ADAM17: variants seen among roughly 807,000 people sequenced by gnomAD.
The protein encoded by ADAM17 is disintegrin and metalloproteinase domain-containing protein 17.
ADAM17 carries 39 observed loss-of-function variants against 96.7 expected under a neutral mutation model. That is an observed-to-expected ratio of 0.40 (90% confidence interval 0.31 to 0.53). The LOEUF (loss-of-function observed/expected upper bound fraction) is 0.53, where lower values mean the gene tolerates loss of function less well. Among genes scored for constraint, ADAM17 ranks in the 20% least tolerant of loss-of-function variants. The pLI, the probability that ADAM17 is intolerant of heterozygous loss-of-function variation, is 0.44. For synonymous variants in ADAM17, 344 were observed against 359.2 expected (o/e 0.96, Z 0.48); for missense variants, 777 against 1,013.2 (o/e 0.77, Z 3.17).
intron 4 of ADAM17, among the ~76,000 whole-genome samples, chr2:9,531,383 T>G (rs972844739): frequency 6.6e-6 from 1 of 151,242 alleles, no homozygotes. Flanking sequence ...CTCACTAACA[T>G]GGTGAAACCC....
chr2:9,536,506 A>G (rs1034277184), intron 3 of ADAM17, among the ~76,000 whole-genome samples, 192 bp downstream of exon 3: 1 of 152,218 alleles, frequency 6.6e-6, no homozygotes, highest in Non-Finnish European at 1.5e-5. Context: ...TATGACATTT[A>G]GATAATACTC....
chr2:9,503,785 C>T (rs2124995391), intron 12 of ADAM17, among the ~76,000 whole-genome samples: 1 of 150,818 alleles, frequency 6.6e-6, no homozygotes, highest in Admixed American at 6.6e-5. Context: ...TTGCAGTGAG[C>T]CAAGATCACG....
chr2:9,523,169 G>T, intron 7 of ADAM17, 80 bp downstream of exon 7: 1 of 1,076,962 alleles, frequency 9.3e-7, no homozygotes, highest in Non-Finnish European at 1.3e-6. Context: ...TTAAGGACAA[G>T]TTTTTAGGTT....
intron 1 of ADAM17, among the ~76,000 whole-genome samples, chr2:9,552,423 G>C (rs1270772562): frequency 6.6e-6 from 1 of 152,142 alleles, no homozygotes; most frequent in Admixed American, 6.5e-5. Context: ...AGCAGTTAGG[G>C]CAGTTAAGCA....
chr2:9,497,329 A>T (rs1017224020), intron 13 of ADAM17, 81 bp from the exon 14 acceptor site: 1 of 1,557,522 alleles, frequency 6.4e-7, no homozygotes, highest in African/African-American at 1.4e-5. Flanking sequence ...GCTGTTTCTC[A>T]TACAAGTGAG....
Position 9,490,015 on chromosome 2 carries a change from G to T in ADAM17, c.*162C>A. 1 of 646,474 alleles carries T rather than the reference G, an allele frequency of 1.5e-6. No homozygotes were observed. Among genetic ancestry groups the T allele is most frequent in the Non-Finnish European group, 2.5e-6 (1 of 394,492 alleles). 40.0% of individuals were successfully genotyped at this position (646,474 alleles called of 1,614,324 possible). A position where few individuals can be genotyped will look rare whatever the true frequency, so the allele number is the denominator to read the frequency against. On this transcript the variant is annotated 3_prime_UTR_variant, in exon 19 of 19. Coordinates refer to ENST00000310823, the MANE Select transcript of ADAM17 (RefSeq NM_003183.6). ...ACCTTACCTTTTCAAAAGGAGAAGG[G>T]CCAAACCACACAAGAACTGTTTACC...
At chr2:9,504,523 T>C (rs62117540) in intron 12 of ADAM17, among the ~76,000 whole-genome samples, 24,514 of 151,894 alleles carry the variant, frequency 0.16, 2,183 homozygotes, top group Middle Eastern at 0.29. Context: ...TCCCAGCACT[T>C]TGGGAGGCCA....
intron 4 of ADAM17, among the ~76,000 whole-genome samples, chr2:9,528,756 T>G (rs1664626926): frequency 6.6e-6 from 1 of 152,170 alleles, no homozygotes; most frequent in African/African-American, 2.4e-5. Flanking sequence ...ACCCCCACAA[T>G]GAGACACCCC....
At chr2:9,515,231 G>C (rs1249479407) in intron 10 of ADAM17, among the ~76,000 whole-genome samples, 1 of 152,128 alleles carries the variant, frequency 6.6e-6, no homozygotes, top group Non-Finnish European at 1.5e-5. Context: ...GTCTTTTCTA[G>C]AATGTCATAT....
intron 3 of ADAM17, 92 bp from the exon 4 acceptor site, chr2:9,536,014 G>A (rs961009145): frequency 8.3e-6 from 7 of 839,644 alleles, no homozygotes; most frequent in African/African-American, 7.1e-5. Context: ...CCTTCAGGGT[G>A]GAATTTGCCT....
intron 1 of ADAM17, among the ~76,000 whole-genome samples, chr2:9,552,952 CATAAAAA>C (rs1665627987): frequency 6.6e-6 from 1 of 151,890 alleles, no homozygotes; most frequent in South Asian, 2.1e-4. Context: ...GGACAATAAA[CATAAAAA>C]ATAAATAATA....
rs115995196 is a variant in ADAM17, at chr2:9,530,238, T to C, written c.451-2284A>G. ...TTTAGCCTATGAATAGGAGTGAAAT[T>C]TTTTTTCTTTTGGGTCAAACATTTC... On this transcript the variant is annotated intron_variant, in intron 4 of 18. Coordinates refer to ENST00000310823, the MANE Select transcript of ADAM17 (RefSeq NM_003183.6). Among the ~76,000 whole-genome samples, 788 of 152,230 alleles carry C rather than the reference T, an allele frequency of 5.2e-3. 7 individuals carry two copies. The highest frequency in any genetic ancestry group is 0.018 in the African/African-American group (735 of 41,538).
At chr2:9,552,937 T>C (rs1417745809) in intron 1 of ADAM17, among the ~76,000 whole-genome samples, 1 of 152,222 alleles carries the variant, frequency 6.6e-6, no homozygotes, top group African/African-American at 2.4e-5. Flanking sequence ...ATAGTAGTAT[T>C]TGTAGGACAA....
At chr2:9,491,811 A>C (rs1378398306) in intron 17 of ADAM17, among the ~76,000 whole-genome samples, 1 of 152,208 alleles carries the variant, frequency 6.6e-6, no homozygotes, top group African/African-American at 2.4e-5. Flanking sequence ...GACCAAAAAC[A>C]AGCCATGGCC....
chr2:9,521,496 G>A, intron 7 of ADAM17, 180 bp from the exon 8 acceptor site: 3 of 344,992 alleles, frequency 8.7e-6, no homozygotes, highest in South Asian at 6.1e-5. Context: ...AGAAGCATAT[G>A]GTATGGAAAA....
At chr2:9,507,445 T>C (rs1663476824) in intron 11 of ADAM17, among the ~76,000 whole-genome samples, 1 of 152,028 alleles carries the variant, frequency 6.6e-6, no homozygotes, top group Admixed American at 6.6e-5. Flanking sequence ...GAGGTTGCAG[T>C]GAGCAGAGAT....
In ADAM17 at chr2:9,488,562, C is replaced by G. The variant is rs569371311; in HGVS notation, c.*1615G>C. 1.1e-5 allele frequency: 4 copies of G among 351,176 alleles called. No individual in the cohort carries two copies. Among genetic ancestry groups the G allele is most frequent in the Non-Finnish European group, 2.0e-5 (4 of 197,760 alleles). The allele number at this position is 351,176 out of a possible 1,614,324, so 21.8% of individuals were successfully genotyped here. A position where few individuals can be genotyped will look rare whatever the true frequency, so the allele number is the denominator to read the frequency against. Reference sequence around the variant, plus strand: ...ATATACCCTGAGCAGCTTGTTAATTCTATAAATGACAAAGACTATGTTTTT... The same window carrying G: ...ATATACCCTGAGCAGCTTGTTAATTGTATAAATGACAAAGACTATGTTTTT... On this transcript the variant is annotated 3_prime_UTR_variant, in exon 19 of 19. Coordinates refer to ENST00000310823, the MANE Select transcript of ADAM17 (RefSeq NM_003183.6).
chr2:9,530,178 G>A (rs752700661), intron 4 of ADAM17, among the ~76,000 whole-genome samples: 12 of 152,146 alleles, frequency 7.9e-5, no homozygotes, highest in African/African-American at 1.9e-4. Flanking sequence ...CCCAACTTCC[G>A]GGCTACAGGA....
At chr2:9,497,383 C>A in intron 13 of ADAM17, 135 bp from the exon 14 acceptor site, 1 of 1,109,446 alleles carries the variant, frequency 9.0e-7, no homozygotes, top group East Asian at 2.5e-5. Context: ...AGAGCTAGGA[C>A]AAGAGCCTGC....
Sources: gnomAD v4.1 joint callset for allele counts (sites outside exome capture counted in the v4.1 genomes callset) on GRCh38, gnomAD v4.1.1 for gene constraint, MANE v1.5 for transcripts, NCBI Gene and HGNC (gene_info 2026-07-23, HGNC 2026-07-21) for gene names.